The following RGS10 variants were observed in gnomAD, a reference collection of about 807,000 sequenced individuals.
The protein encoded by RGS10 is regulator of G-protein signalling 10.
In RGS10, 11 loss-of-function variants were observed where a neutral mutation model predicts 23.5. The ratio of observed to expected loss-of-function variants is 0.47; its 90% confidence interval spans 0.29 to 0.77. The LOEUF is 0.77. RGS10 is among the 30% of genes least tolerant of loss of function. RGS10 has a pLI of 0.08. For missense variants in RGS10, 180 were observed against 226.3 expected (o/e 0.80, Z 1.31); for synonymous variants, 77 against 83.2 (o/e 0.92, Z 0.41).
Position 119,526,077 on chromosome 10 carries a change from A to C in RGS10, c.210T>G (p.Phe70Leu). ...KKEFSEENVL[F>L]WLACEDFKKM... is the part of the protein sequence containing the mutation. Reference sequence around the variant, plus strand: ...TCTTAAAATCTTCACATGCTAGCCAAAACAAAACATTTTCTTCACTGAATT... The same window carrying C: ...TCTTAAAATCTTCACATGCTAGCCACAACAAAACATTTTCTTCACTGAATT... Residue 70 changes from phenylalanine (F) to leucine (L), a missense_variant, in exon 3 of 5, where the codon TTT becomes TTG. Physicochemically the swap from Phe to Leu is conservative, Grantham distance 22 (BLOSUM62 0). Transcript: ENST00000369103. 6.3e-7 allele frequency: 1 copy of C among 1,583,864 alleles called. No homozygotes were observed.
At chr10:119,512,733 A>G (rs1451374063) in intron 4 of RGS10, among the ~76,000 whole-genome samples, 1 of 152,154 alleles carries the variant, frequency 6.6e-6, no homozygotes, top group East Asian at 1.9e-4. Flanking sequence ...TTTTTAGCAG[A>G]GATGGGGTTT....
At chr10:119,526,727 G>C (rs1223316084) in intron 2 of RGS10, among the ~76,000 whole-genome samples, 1 of 152,154 alleles carries the variant, frequency 6.6e-6, no homozygotes, top group African/African-American at 2.4e-5. Flanking sequence ...ACTGCATGAG[G>C]ACTCATCCTA....
intron 4 of RGS10, among the ~76,000 whole-genome samples, chr10:119,513,457 C>G (rs1017638140): frequency 6.6e-6 from 1 of 150,850 alleles, no homozygotes; most frequent in Non-Finnish European, 1.5e-5. Context: ...GACATCCTGT[C>G]GCAAAAATAA....
In RGS10 at chr10:119,500,238, C is replaced by A. The variant is rs761830249; in HGVS notation, c.421G>T (p.Asp141Tyr). 6.2e-7 allele frequency: 1 copy of A among 1,612,738 alleles called. No homozygotes were observed. The highest frequency in any genetic ancestry group is 1.1e-5 in the South Asian group (1 of 90,640). ...QDQIFNLMKY[D>Y]SYSRFLKSDL... ...GACTTTAAGAAGCGGCTGTAGCTGT[C>A]GTACTTCATGAGATTAAAGATCTAA... The change falls in exon 5 of 5, where the codon GAC becomes TAC. Residue 141 changes from aspartate to tyrosine, a missense_variant. Physicochemically the swap from Asp to Tyr is radical, Grantham distance 160. Transcript: ENST00000369103.
chr10:119,520,145 A>G (rs965538146), intron 3 of RGS10, among the ~76,000 whole-genome samples: 4 of 152,224 alleles, frequency 2.6e-5, no homozygotes, highest in Admixed American at 2.6e-4. Context: ...GACAATTCCT[A>G]GGACAATGAA....
At chr10:119,510,583 C>G (rs1044098081) in intron 4 of RGS10, among the ~76,000 whole-genome samples, 3 of 152,212 alleles carry the variant, frequency 2.0e-5, no homozygotes, top group Admixed American at 6.6e-5. Context: ...CTGTTGTACA[C>G]ACAGTTCCTA....
intron 1 of RGS10, among the ~76,000 whole-genome samples, chr10:119,539,549 C>A (rs1384190673): frequency 1.3e-5 from 2 of 152,148 alleles, no homozygotes; most frequent in Admixed American, 1.3e-4. Flanking sequence ...GGGGGACCCT[C>A]ACATTTCACT....
intron 4 of RGS10, 99 bp downstream of exon 4, chr10:119,515,410 T>G (rs902862534): frequency 6.9e-7 from 1 of 1,447,798 alleles, no homozygotes; most frequent in Non-Finnish European, 9.5e-7. Context: ...TATGAGATGG[T>G]TTCCAGGGAG....
chr10:119,539,959 CAA>C lies in RGS10; in HGVS notation c.49+2629_49+2630del, dbSNP rs5788358. ...CTTTAAGAAAAATAATTCAAAATTACAAAAAAAAAAAAAAAATTAAGTACAGG... is the reference window on the plus strand; with the variant it reads ...CTTTAAGAAAAATAATTCAAAATTACAAAAAAAAAAAAAATTAAGTACAGG... On this transcript the variant is annotated intron_variant, in intron 1 of 4. Transcript: ENST00000369103. 4.1e-3 allele frequency among the ~76,000 whole-genome samples: 586 copies of C among 143,232 alleles called. 3 individuals are homozygous for C. Among genetic ancestry groups the C allele is most frequent in the East Asian group, 7.3e-3 (36 of 4,940 alleles). The allele number at this position is 143,232 out of a possible 152,430, so 94.0% of individuals were successfully genotyped here.
intron 4 of RGS10, among the ~76,000 whole-genome samples, chr10:119,500,576 T>C (rs796576635): frequency 6.6e-5 from 10 of 151,990 alleles, no homozygotes; most frequent in African/African-American, 2.4e-4. Context: ...CTCCACTTTA[T>C]TTGCCTAGAT....
intron 4 of RGS10, among the ~76,000 whole-genome samples, chr10:119,508,335 T>C (rs1438963353): frequency 1.3e-5 from 2 of 152,138 alleles, no homozygotes; most frequent in Non-Finnish European, 1.5e-5. Context: ...TGGGGACCCC[T>C]GATATTCATG....
intron 3 of RGS10, among the ~76,000 whole-genome samples, chr10:119,523,987 CTT>C (rs1844246149): frequency 2.0e-5 from 3 of 152,196 alleles, no homozygotes; most frequent in Admixed American, 1.3e-4. Flanking sequence ...TCCCTCAGCT[CTT>C]GTCGCCAGCC....
rs1176756884 is a variant in RGS10, at chr10:119,538,819, G to T, written c.49+3771C>A. On this transcript the variant is annotated intron_variant, in intron 1 of 4. Transcript: ENST00000369103. The surrounding 1 kb of genome is among the most constrained non-coding windows in gnomAD (Gnocchi z 4.5). ...GCCACCCGCAGGCTGCTGCAGCAAAGAACTATCTGGGGGAAGCAGAAGAAA... is the reference window on the plus strand; with the variant it reads ...GCCACCCGCAGGCTGCTGCAGCAAATAACTATCTGGGGGAAGCAGAAGAAA... 6.6e-6 allele frequency among the ~76,000 whole-genome samples: 1 copy of T among 152,156 alleles called. No homozygotes were observed. The highest frequency in any genetic ancestry group is 1.9e-4 in the East Asian group (1 of 5,186).
intron 4 of RGS10, among the ~76,000 whole-genome samples, chr10:119,502,568 G>T (rs541975777): frequency 1.3e-4 from 20 of 152,264 alleles, no homozygotes; most frequent in Admixed American, 1.2e-3. Context: ...AAGAAAAAAG[G>T]CCGGTGCTGG....
chr10:119,532,227 G>A (rs1185737822), intron 1 of RGS10, among the ~76,000 whole-genome samples: 1 of 152,148 alleles, frequency 6.6e-6, no homozygotes, highest in East Asian at 1.9e-4. Context: ...ACTGATATCA[G>A]TATAGACAGA....
intron 4 of RGS10, among the ~76,000 whole-genome samples, chr10:119,513,143 T>C (rs187915664): frequency 6.6e-6 from 1 of 152,204 alleles, no homozygotes; most frequent in African/African-American, 2.4e-5. Context: ...ATGCTTACAG[T>C]TGGATAAAAA....
chr10:119,531,846 C>A (rs1844331999), intron 1 of RGS10, among the ~76,000 whole-genome samples: 1 of 152,166 alleles, frequency 6.6e-6, no homozygotes, highest in Admixed American at 6.5e-5. Flanking sequence ...TCCATGGTCT[C>A]CTGGGCTAAG....
At chr10:119,500,584 G>C (rs1233387183) in intron 4 of RGS10, among the ~76,000 whole-genome samples, 1 of 151,798 alleles carries the variant, frequency 6.6e-6, no homozygotes, top group Non-Finnish European at 1.5e-5. Flanking sequence ...TATTTGCCTA[G>C]ATAAGACAAG....
intron 1 of RGS10, among the ~76,000 whole-genome samples, chr10:119,530,319 C>A (rs945015173): frequency 1.3e-5 from 2 of 152,138 alleles, no homozygotes; most frequent in Non-Finnish European, 2.9e-5. Context: ...ACTTCTTGAT[C>A]CCCTGGGACT....
Sources: allele counts gnomAD v4.1 joint callset (sites outside exome capture counted in the v4.1 genomes callset), GRCh38; gene constraint gnomAD v4.1.1; non-coding constraint Gnocchi (gnomAD v3.1); transcripts MANE v1.5; gene names NCBI Gene and HGNC (gene_info 2026-07-23, HGNC 2026-07-21).